The following COPG2 variants were observed in gnomAD, a reference collection of about 807,000 sequenced individuals.
COPG2 encodes the protein coatomer subunit gamma-2.
A neutral mutation model predicts 46.3 loss-of-function variants in COPG2; 37 were observed. That is an observed-to-expected ratio of 0.80 (90% confidence interval 0.61 to 1.05). The LOEUF (loss-of-function observed/expected upper bound fraction) is 1.05, where lower values mean the gene tolerates loss of function less well. COPG2 is among the 50% of genes least tolerant of loss of function. The pLI is 0.00. For synonymous variants in COPG2, 159 were observed against 129.7 expected (o/e 1.23, Z -1.53); for missense variants, 427 against 387.8 (o/e 1.10, Z -0.85).
chr7:130,622,456 G>C (rs1721509477), intron 5 of COPG2, among the ~76,000 whole-genome samples: 1 of 152,162 alleles, frequency 6.6e-6, no homozygotes, highest in Non-Finnish European at 1.5e-5. Context: ...TAAGGCCTGA[G>C]ACCATGTGAA....
chr7:130,596,823 G>C (rs1251145543), intron 9 of COPG2, among the ~76,000 whole-genome samples: 1 of 152,232 alleles, frequency 6.6e-6, no homozygotes, highest in Non-Finnish European at 1.5e-5. Flanking sequence ...TCCCTCCGAA[G>C]AGGAAACTAT....
intron 10 of COPG2, 56 bp from the exon 11 acceptor site, chr7:130,563,392 C>A (rs1793749260): frequency 2.5e-6 from 1 of 393,554 alleles, no homozygotes. Flanking sequence ...CATATACATA[C>A]CGTGAATACT....
At chr7:130,637,906 T>C (rs901515247) in intron 5 of COPG2, among the ~76,000 whole-genome samples, 9 of 152,210 alleles carry the variant, frequency 5.9e-5, no homozygotes, top group Non-Finnish European at 1.3e-4. Context: ...ATGGGGTTTC[T>C]GTGTGGATGT....
chr7:130,533,110 G>C (rs1010847990), intron 20 of COPG2, among the ~76,000 whole-genome samples: 1 of 152,130 alleles, frequency 6.6e-6, no homozygotes, highest in South Asian at 2.1e-4. Flanking sequence ...GTTGGAGCAG[G>C]TTATGGAGCC....
At chr7:130,659,214 G>C (rs556178614) in intron 4 of COPG2, among the ~76,000 whole-genome samples, 1 of 151,918 alleles carries the variant, frequency 6.6e-6, no homozygotes, top group Non-Finnish European at 1.5e-5. Context: ...AATTATCCAG[G>C]TGTGGTGGCG....
At chr7:130,619,416 C>T (rs1017255704) in intron 5 of COPG2, among the ~76,000 whole-genome samples, 8 of 152,020 alleles carry the variant, frequency 5.3e-5, no homozygotes, top group East Asian at 3.8e-4. Context: ...TTCTTTTTGT[C>T]GCTGCCATAA....
intron 9 of COPG2, among the ~76,000 whole-genome samples, chr7:130,604,237 G>A (rs1794688673): frequency 6.6e-6 from 1 of 152,086 alleles, no homozygotes; most frequent in African/African-American, 2.4e-5. Context: ...ATTTCTGTTT[G>A]GTTATTTATA....
At position 130,513,375 on chromosome 7, in the gene COPG2, A is replaced by ATGTG. The variant is rs1168901549; in HGVS notation, c.2150-4720_2150-4717dup. 6.5e-4 allele frequency among the ~76,000 whole-genome samples: 30 copies of ATGTG among 45,944 alleles called. 6 individuals are homozygous for ATGTG. In the South Asian group the frequency reaches 0.01, roughly 16 times the overall value. 30.1% of individuals were successfully genotyped at this position (45,944 alleles called of 152,430 possible). On this transcript the variant is annotated intron_variant, in intron 20 of 23. Coordinates refer to ENST00000425248, the MANE Select transcript of COPG2 (RefSeq NM_012133.6). ...TGTGTGTGTGTATATATATATATAT[A>ATGTG]TGTGTGTGTGTGTGTATATATATAT...
chr7:130,666,843 A>C lies in COPG2; in HGVS notation c.171+6T>G. 7.5e-7 allele frequency: 1 copy of C among 1,329,948 alleles called. No homozygotes were observed. Among genetic ancestry groups the C allele is most frequent in the Non-Finnish European group, 1.1e-6 (1 of 939,184 alleles). The allele number at this position is 1,329,948 out of a possible 1,614,324, so 82.4% of individuals were successfully genotyped here. ...CACTTATCTGAGGAAAATAAAAATA[A>C]TATACCTGGTTCAGTAAGTAAAGAA... is the stretch of plus-strand genomic sequence containing the variant. On this transcript the variant is annotated splice_donor_region_variant and intron_variant, in intron 3 of 23. Transcript: ENST00000425248.
chr7:130,607,722 A>G (rs1794760981), intron 9 of COPG2: 1 of 519,826 alleles, frequency 1.9e-6, no homozygotes. Context: ...CAGGTTTTCC[A>G]CTCTAAGTTT....
chr7:130,561,210 C>T lies in COPG2; in HGVS notation c.951G>A (p.Lys317=). The change falls in exon 12 of 24, where the codon AAG becomes AAA. Residue 317 remains lysine (K), a synonymous_variant. Coordinates refer to ENST00000425248, the MANE Select transcript of COPG2 (RefSeq NM_012133.6). The part of the protein sequence containing the change: ...AVRTLNKVAM[K]HPSAVTACNL... ...TGCAGGCAGTAACAGCAGAGGGGTG[C>T]TTCATTGCCACCTTGTGGAAGGGCA... 1 of 398,536 alleles carries T rather than the reference C, an allele frequency of 2.5e-6. No individual in the cohort carries two copies. Among genetic ancestry groups the T allele is most frequent in the Non-Finnish European group, 4.4e-6 (1 of 226,028 alleles). The allele number at this position is 398,536 out of a possible 1,614,324, so 24.7% of individuals were successfully genotyped here.
intron 3 of COPG2, 118 bp downstream of exon 3, chr7:130,666,731 T>C (rs1796085941): frequency 3.2e-6 from 2 of 615,950 alleles, no homozygotes; most frequent in South Asian, 1.9e-5. Flanking sequence ...AAACGTTGTA[T>C]ATGTTAAAAT....
intron 5 of COPG2, among the ~76,000 whole-genome samples, chr7:130,644,858 T>G (rs1405485610): frequency 2.6e-5 from 4 of 152,108 alleles, no homozygotes; most frequent in African/African-American, 7.2e-5. Flanking sequence ...GGTCACAAGT[T>G]CGAGACCAAC....
chr7:130,579,415 C>T lies in COPG2; in HGVS notation c.738-15022G>A, dbSNP rs1242565889. Among the ~76,000 whole-genome samples the T allele has an allele frequency of 1.7e-4, 25 of 150,434 alleles. No homozygotes were observed. In the East Asian group the frequency reaches 1.8e-3, roughly 11 times the overall value. ...AATCATGCCAAAATGTAAAGACCAT[C>T]GAGACTAGGAAGAAACTGCATCAAC... On this transcript the variant is annotated intron_variant, in intron 9 of 23. Transcript: ENST00000425248.
At chr7:130,511,144 T>C (rs1799588825) in intron 20 of COPG2, among the ~76,000 whole-genome samples, 1 of 152,062 alleles carries the variant, frequency 6.6e-6, no homozygotes, top group African/African-American at 2.4e-5. Context: ...AAATGCAGTG[T>C]GGCAAAGGGC....
chr7:130,510,080 A>G (rs782448544), intron 20 of COPG2: 3 of 519,954 alleles, frequency 5.8e-6, no homozygotes, highest in Non-Finnish European at 1.2e-5. Context: ...TGATTTTCCA[A>G]CAGGCTCTGG....
chr7:130,635,600 CTT>C (rs1795320926), intron 5 of COPG2, among the ~76,000 whole-genome samples: 1 of 151,512 alleles, frequency 6.6e-6, no homozygotes, highest in African/African-American at 2.4e-5. Context: ...CTTCTCTCTT[CTT>C]TATTAGTCTG....
chr7:130,642,290 C>A (rs2116205317), intron 5 of COPG2, among the ~76,000 whole-genome samples: 1 of 151,192 alleles, frequency 6.6e-6, no homozygotes, highest in East Asian at 1.9e-4. Flanking sequence ...AAATGGACAA[C>A]TGAAATATTA....
chr7:130,626,400 ATTTTTTT>A (rs60484682), intron 5 of COPG2, among the ~76,000 whole-genome samples: 2 of 119,842 alleles, frequency 1.7e-5, no homozygotes, highest in Non-Finnish European at 3.4e-5. Flanking sequence ...CACCAGGCTA[ATTTTTTT>A]TTTTTTTTTT....
Sources: gnomAD v4.1 joint callset for allele counts (sites outside exome capture counted in the v4.1 genomes callset) on GRCh38, gnomAD v4.1.1 for gene constraint, MANE v1.5 for transcripts, NCBI Gene and HGNC (gene_info 2026-07-23, HGNC 2026-07-21) for gene names.